Variants in FYCO1 observed in about 807,000 individuals in gnomAD.
FYCO1 encodes the protein FYVE and coiled-coil domain autophagy adaptor 1, also known as FYVE and coiled-coil domain-containing protein 1.
A neutral mutation model predicts 165.1 loss-of-function variants in FYCO1; 122 were observed. That is an observed-to-expected ratio of 0.74 (90% confidence interval 0.64 to 0.86). The LOEUF (loss-of-function observed/expected upper bound fraction) is 0.86. Among genes scored for constraint, FYCO1 ranks in the 40% least tolerant of loss-of-function variants. The probability of loss-of-function intolerance (pLI) is 0.00; values close to 1 mark genes in which losing one functional copy is unlikely to be tolerated. For missense variants in FYCO1, 1,702 were observed against 1,810.3 expected (o/e 0.94, Z 1.09); for synonymous variants, 648 against 742.5 (o/e 0.87, Z 2.07).
At position 45,968,656 on chromosome 3, in the gene FYCO1, G is replaced by A. The variant is rs140730556; in HGVS notation, c.678C>T (p.Asn226=). The part of the protein sequence containing the change: ...SNFDLNSPLN[N]EALEGFDEMR... The stretch of plus-strand genomic sequence containing the variant: ...TCTCATCAAAGCCCTCCAATGCCTC[G>A]TTGTTTAGGGGGCTGTTCAGGTCAA... Residue 226 remains asparagine, a synonymous_variant, in exon 8 of 18, where the codon AAC becomes AAT. Transcript: ENST00000296137. 1.1e-4 allele frequency: 173 copies of A among 1,614,178 alleles called. No individual in the cohort carries two copies. The highest frequency in any genetic ancestry group is 3.3e-5 in the Admixed American group (2 of 60,022).
At chr3:45,934,647 A>C (rs1461828453) in intron 15 of FYCO1, among the ~76,000 whole-genome samples, 2 of 152,262 alleles carry the variant, frequency 1.3e-5, no homozygotes, top group Non-Finnish European at 2.9e-5. Flanking sequence ...TATGAAAGTC[A>C]ATCAATGCAA....
Position 45,967,793 on chromosome 3 carries a change from T to G in FYCO1, c.1541A>C (p.Gln514Pro). 1 of 1,613,994 alleles carries G rather than the reference T, an allele frequency of 6.2e-7. No individual in the cohort carries two copies. Among genetic ancestry groups the G allele is most frequent in the Non-Finnish European group, 8.5e-7 (1 of 1,180,038 alleles). The change falls in exon 8 of 18, where the codon CAG (glutamine) becomes CCG (proline). Residue 514 changes from glutamine (Q) to proline (P), a missense_variant. Gln to Pro is a moderately conservative substitution (Grantham distance 76, BLOSUM62 -1). Coordinates refer to ENST00000296137, the MANE Select transcript of FYCO1 (RefSeq NM_024513.4). ...CAGCTGGGTCTCCAGGAACTGCAGC[T>G]GCCGGGTCAGAGACCTGACCTCCTG... The part of the protein sequence containing the change: ...LEQEVRSLTR[Q>P]LQFLETQLAQ...
chr3:45,973,315 G>A (rs981269292), intron 5 of FYCO1, 84 bp from the exon 6 acceptor site: 129 of 1,346,118 alleles, frequency 9.6e-5, no homozygotes, highest in Non-Finnish European at 1.3e-4. Context: ...CTGCCTCATC[G>A]AATTCCAACT....
chr3:45,945,204 A>C (rs762480848), intron 14 of FYCO1: 2 of 152,226 alleles, frequency 1.3e-5, no homozygotes, highest in Non-Finnish European at 2.9e-5. Flanking sequence ...GTTTATATGC[A>C]CTTGTCTGGT....
In FYCO1 at chr3:45,964,980, CA is replaced by C. The variant is rs1334832038; in HGVS notation, c.3150+52del. The C allele has an allele frequency of 2.0e-6, 3 of 1,489,056 alleles. No individual in the cohort carries two copies. Among genetic ancestry groups the C allele is most frequent in the Non-Finnish European group, 2.8e-6 (3 of 1,069,120 alleles). The allele number at this position is 1,489,056 out of a possible 1,614,324, so 92.2% of individuals were successfully genotyped here. On this transcript the variant is annotated intron_variant, in intron 9 of 17. Transcript: ENST00000296137. This position sits in a 1 kb window ranked among gnomAD's most constrained non-coding sequence, Gnocchi z 4.1. ...AGGGAGCCCTCTTAAATGGTCCAGTCAAAACCACACCAGATGCCCTCTCCCT... is the reference window on the plus strand; with the variant it reads ...AGGGAGCCCTCTTAAATGGTCCAGTCAAACCACACCAGATGCCCTCTCCCT...
chr3:45,937,486 G>A (rs994829794), intron 14 of FYCO1, among the ~76,000 whole-genome samples: 1 of 152,198 alleles, frequency 6.6e-6, no homozygotes, highest in Non-Finnish European at 1.5e-5. Context: ...TGTGACTCAC[G>A]GTGAGCTCTT....
chr3:45,947,345 T>C (rs750193158), intron 14 of FYCO1: 5 of 1,614,258 alleles, frequency 3.1e-6, no homozygotes, highest in Non-Finnish European at 4.2e-6. Flanking sequence ...CTGTGCTCTA[T>C]GCCTTTGTCA....
chr3:45,937,133 C>T (rs890702756), intron 14 of FYCO1, among the ~76,000 whole-genome samples: 8 of 152,158 alleles, frequency 5.3e-5, no homozygotes, highest in Non-Finnish European at 1.2e-4. Context: ...TAGTGTTTTC[C>T]CTGTGGGGTT....
intron 1 of FYCO1, among the ~76,000 whole-genome samples, chr3:45,987,966 G>C (rs1873000): frequency 0.59 from 89,112 of 152,096 alleles, 28,510 homozygotes; most frequent in East Asian, 0.99. Flanking sequence ...GCCCTTGTGT[G>C]AGCCCAAGGC....
intron 16 of FYCO1, among the ~76,000 whole-genome samples, chr3:45,929,242 G>A (rs548503928): frequency 6.6e-6 from 1 of 152,334 alleles, no homozygotes; most frequent in African/African-American, 2.4e-5. Context: ...CTGCCCCCTG[G>A]TGTCACTGTG....
chr3:45,966,907 C>T lies in FYCO1; in HGVS notation c.2427G>A (p.Val809=). 1.2e-6 allele frequency: 2 copies of T among 1,613,700 alleles called. No homozygotes were observed. Among genetic ancestry groups the T allele is most frequent in the Non-Finnish European group, 1.7e-6 (2 of 1,180,040 alleles). The change falls in exon 8 of 18, where the codon GTG becomes GTA. Residue 809 remains valine (V), a synonymous_variant. Transcript: ENST00000296137. ...CCTCAGCCATGCTTAGCTGGCTCTG[C>T]ACCTTGTCCTGGTCATCCAGGGCTG... ...MRAALDDQDK[V]QSQLSMAEAV...
intron 16 of FYCO1, among the ~76,000 whole-genome samples, chr3:45,926,251 A>G (rs1703313105): frequency 6.6e-6 from 1 of 152,208 alleles, no homozygotes; most frequent in African/African-American, 2.4e-5. Context: ...ACCCAACCCT[A>G]TCATGCCTAC....
chr3:45,936,533 A>G lies in FYCO1; in HGVS notation c.3955T>C (p.Ser1319Pro). The change falls in exon 15 of 18, where the codon TCA becomes CCA. Residue 1319 changes from serine (S) to proline (P), a missense_variant. Ser to Pro is a moderately conservative substitution (Grantham distance 74, BLOSUM62 -1). Transcript: ENST00000296137. ...GTGTCCTCAGGCGTTAGCGAGGTTG[A>G]TGTAGTATCCCTGAAATGTCACAAA... ...DPNAAEQDTT[S>P]TSLTPEDTED... 1 of 1,611,334 alleles carries G rather than the reference A, an allele frequency of 6.2e-7. No homozygotes were observed. Among genetic ancestry groups the G allele is most frequent in the Non-Finnish European group, 8.5e-7 (1 of 1,177,458 alleles).
intron 14 of FYCO1, among the ~76,000 whole-genome samples, chr3:45,952,875 G>A (rs1394939209): frequency 6.6e-6 from 1 of 152,188 alleles, no homozygotes; most frequent in Non-Finnish European, 1.5e-5. Flanking sequence ...GAGGCAGAGT[G>A]TGGCTTAGTG....
At chr3:45,982,236 G>C (rs1330773801) in intron 2 of FYCO1, among the ~76,000 whole-genome samples, 1 of 152,094 alleles carries the variant, frequency 6.6e-6, no homozygotes, top group East Asian at 1.9e-4. Flanking sequence ...TTGAGAGGCA[G>C]GGATTGCCTT....
chr3:45,986,564 G>C (rs730983), intron 1 of FYCO1, among the ~76,000 whole-genome samples: 54,337 of 152,112 alleles, frequency 0.36, 11,792 homozygotes, highest in East Asian at 0.66. Flanking sequence ...AAGGCCCAAA[G>C]AGGGCTTCTC....
At position 45,919,382 on chromosome 3, in the gene FYCO1, C is replaced by T. The variant is rs1031584684; in HGVS notation, c.*2383G>A. 2 of 152,226 alleles carry T rather than the reference C, an allele frequency of 1.3e-5. No individual in the cohort carries two copies. Among genetic ancestry groups the T allele is most frequent in the Admixed American group, 6.5e-5 (1 of 15,278 alleles). 9.4% of individuals were successfully genotyped at this position (152,226 alleles called of 1,614,324 possible). On this transcript the variant is annotated 3_prime_UTR_variant, in exon 18 of 18. Transcript: ENST00000296137. The stretch of plus-strand genomic sequence containing the variant: ...GTCCACCCAGCACAAAAAATAAATT[C>T]GCTAATGAAACCACATAGTTAGGAA...
chr3:45,948,162 A>G (rs1399883704), intron 14 of FYCO1: 2 of 167,300 alleles, frequency 1.2e-5, no homozygotes, highest in East Asian at 3.8e-4. Context: ...AGCGTTTAAG[A>G]CTGTAATGAA....
Position 45,959,546 on chromosome 3 carries a change from G to A in FYCO1, c.3438-4C>T. ...CTGCCAGAGAGCATCCTTGTCCCTGGGACAAAACCACATTGGAAGAAAAGG... is the reference window on the plus strand; with the variant it reads ...CTGCCAGAGAGCATCCTTGTCCCTGAGACAAAACCACATTGGAAGAAAAGG... On this transcript the variant is annotated splice_region_variant and splice_polypyrimidine_tract_variant and intron_variant, in intron 11 of 17. Coordinates refer to ENST00000296137, the MANE Select transcript of FYCO1 (RefSeq NM_024513.4). 6.2e-7 allele frequency: 1 copy of A among 1,613,820 alleles called. No individual in the cohort carries two copies. The highest frequency in any genetic ancestry group is 8.5e-7 in the Non-Finnish European group (1 of 1,179,846).
Sources: gnomAD v4.1 joint callset for allele counts (sites outside exome capture counted in the v4.1 genomes callset) on GRCh38, gnomAD v4.1.1 for gene constraint, Gnocchi (gnomAD v3.1) non-coding constraint, MANE v1.5 for transcripts, NCBI Gene and HGNC (gene_info 2026-07-23, HGNC 2026-07-21) for gene names.